The following PBX1 variants were observed in gnomAD, a reference collection of about 807,000 sequenced individuals.
The protein encoded by PBX1 is pre-B-cell leukemia transcription factor 1.
In PBX1, 6 loss-of-function variants were observed where a neutral mutation model predicts 53.4. That is an observed-to-expected ratio of 0.11 (90% confidence interval 0.06 to 0.22). The LOEUF is 0.22. Ranked by LOEUF, PBX1 falls within the 10% of genes least tolerant of loss-of-function variation. The probability of loss-of-function intolerance (pLI) is 1.00; values close to 1 mark genes in which losing one functional copy is unlikely to be tolerated. For synonymous variants in PBX1, 204 were observed against 212.3 expected (o/e 0.96, Z 0.34); for missense variants, 251 against 551.4 (o/e 0.46, Z 5.46).
chr1:164,773,075 T>A (rs1667452796), intron 2 of PBX1: 1 of 152,228 alleles, frequency 6.6e-6, no homozygotes, highest in African/African-American at 2.4e-5. Context: ...TTTGTCCCAC[T>A]AAGAGCAGTT....
At chr1:164,709,024 C>T (rs1436040607) in intron 2 of PBX1, among the ~76,000 whole-genome samples, 1 of 152,196 alleles carries the variant, frequency 6.6e-6, no homozygotes, top group Non-Finnish European at 1.5e-5. Context: ...GCCGCGGAGA[C>T]ACCCCAGCAA....
intron 8 of PBX1, among the ~76,000 whole-genome samples, chr1:164,833,876 A>G (rs1272257492): frequency 6.7e-6 from 1 of 149,802 alleles, no homozygotes; most frequent in African/African-American, 2.5e-5. Flanking sequence ...CCACAAGAAA[A>G]TGGCTTTTTG....
At chr1:164,619,610 C>T (rs1392864677) in intron 2 of PBX1, among the ~76,000 whole-genome samples, 1 of 152,162 alleles carries the variant, frequency 6.6e-6, no homozygotes, top group Non-Finnish European at 1.5e-5. Flanking sequence ...AGCAGTTCAC[C>T]TCCCTTGGGT....
intron 2 of PBX1, among the ~76,000 whole-genome samples, chr1:164,876,815 C>T (rs528113671): frequency 1.5e-4 from 23 of 152,200 alleles, no homozygotes; most frequent in Admixed American, 1.1e-3. Context: ...TTTATCACAG[C>T]CCCCAAATGC....
Position 164,847,057 on chromosome 1 carries a change from G to C in PBX1, c.*381G>C. ...AAAAATTACAAAGAAAATAATAAAA[G>C]TGTTTGTACGTTTTCATGCTGGTGG... On this transcript the variant is annotated 3_prime_UTR_variant, in exon 9 of 9. Transcript: ENST00000420696. The C allele has an allele frequency of 1.8e-6, 2 of 1,110,716 alleles. No homozygotes were observed. Among genetic ancestry groups the C allele is most frequent in the Non-Finnish European group, 2.2e-6 (2 of 905,520 alleles). 68.8% of individuals were successfully genotyped at this position (1,110,716 alleles called of 1,614,324 possible). A position where few individuals can be genotyped will look rare whatever the true frequency, so the allele number is the denominator to read the frequency against.
intron 2 of PBX1, among the ~76,000 whole-genome samples, chr1:164,631,505 T>C (rs534451773): frequency 7.5e-4 from 114 of 152,294 alleles, no homozygotes; most frequent in African/African-American, 2.6e-3. Context: ...AAAGCATAAA[T>C]AATCCACATG....
At chr1:164,863,626 G>A (rs1440781601) in intron 2 of PBX1, among the ~76,000 whole-genome samples, 4 of 152,228 alleles carry the variant, frequency 2.6e-5, no homozygotes, top group Non-Finnish European at 4.4e-5. Context: ...GGTCAACAAT[G>A]TCTTCTTGAG....
chr1:164,800,687 T>C (rs986268908), intron 4 of PBX1, among the ~76,000 whole-genome samples: 9 of 152,208 alleles, frequency 5.9e-5, no homozygotes, highest in African/African-American at 1.9e-4. Context: ...TTTCATCTAC[T>C]CTAGAAGAAT....
intron 2 of PBX1, chr1:164,641,081 G>A (rs900737049): frequency 1.3e-5 from 2 of 152,788 alleles, no homozygotes; most frequent in African/African-American, 4.8e-5. Flanking sequence ...CTGGGACTTT[G>A]AGCAGAATGC....
chr1:164,784,103 GT>G (rs1272808885), intron 2 of PBX1, among the ~76,000 whole-genome samples: 2 of 152,178 alleles, frequency 1.3e-5, no homozygotes, highest in Non-Finnish European at 2.9e-5. Context: ...GGCAATCCAG[GT>G]CTCACACACC....
At chr1:164,592,091 G>A (rs12119483) in intron 2 of PBX1, among the ~76,000 whole-genome samples, 40,275 of 151,102 alleles carry the variant, frequency 0.27, 6,065 homozygotes, top group Non-Finnish European at 0.35. Flanking sequence ...TGGGGGGAAA[G>A]GCAGATGAAG....
chr1:164,711,025 C>T (rs1350501442), intron 2 of PBX1, among the ~76,000 whole-genome samples: 1 of 152,174 alleles, frequency 6.6e-6, no homozygotes, highest in African/African-American at 2.4e-5. Flanking sequence ...GGGAGAGATG[C>T]ACTCTTCATC....
At chr1:164,843,231 C>T (rs544442532) in intron 8 of PBX1, among the ~76,000 whole-genome samples, 2 of 152,224 alleles carry the variant, frequency 1.3e-5, no homozygotes, top group East Asian at 1.9e-4. Context: ...AATAATATAC[C>T]GTCCTATAAA....
chr1:164,742,624 A>G (rs764984532), intron 2 of PBX1, among the ~76,000 whole-genome samples: 19 of 152,308 alleles, frequency 1.2e-4, no homozygotes, highest in African/African-American at 1.7e-4. Context: ...AATAAAAGAC[A>G]CATTGAGGCC....
chr1:164,833,782 C>T (rs562874678), intron 8 of PBX1, among the ~76,000 whole-genome samples: 35 of 151,946 alleles, frequency 2.3e-4, no homozygotes, highest in African/African-American at 7.0e-4. Flanking sequence ...AACCAGCAAC[C>T]GGTCTATTCT....
At chr1:164,880,060 A>T (rs72698348) in intron 2 of PBX1, among the ~76,000 whole-genome samples, 4,686 of 152,250 alleles carry the variant, frequency 0.031, 120 homozygotes, top group Middle Eastern at 0.051. Context: ...TCTGTCAAGG[A>T]TGGAGAGGGT....
At chr1:164,588,399 C>T (rs1318843434) in intron 2 of PBX1, among the ~76,000 whole-genome samples, 4 of 147,196 alleles carry the variant, frequency 2.7e-5, no homozygotes, top group Non-Finnish European at 5.9e-5. Context: ...TAAAAGTTGC[C>T]AGCCAGTATA....
chr1:164,859,589 C>T (rs888460787), intron 2 of PBX1, among the ~76,000 whole-genome samples: 3 of 152,182 alleles, frequency 2.0e-5, no homozygotes, highest in Non-Finnish European at 4.4e-5. Flanking sequence ...CCCCTCTATG[C>T]AAATAGCAAA....
chr1:164,608,999 C>G (rs2792259), intron 2 of PBX1, among the ~76,000 whole-genome samples: 75,088 of 151,276 alleles, frequency 0.5, 18,725 homozygotes, highest in African/African-American at 0.53. Flanking sequence ...CTCTTGGTCT[C>G]TTTGGAGCTC....
Sources: gnomAD v4.1 joint callset for allele counts (sites outside exome capture counted in the v4.1 genomes callset) on GRCh38, gnomAD v4.1.1 for gene constraint, MANE v1.5 for transcripts, NCBI Gene and HGNC (gene_info 2026-07-23, HGNC 2026-07-21) for gene names.